Variants in AIDA observed in about 807,000 individuals in gnomAD.
The protein encoded by AIDA is axin interactor, dorsalization-associated protein.
In AIDA, 18 loss-of-function variants were observed where a neutral mutation model predicts 42.7. That is an observed-to-expected ratio of 0.42 (90% CI 0.29 to 0.63). AIDA has a LOEUF of 0.63. AIDA is among the 20% of genes least tolerant of loss of function. The probability of loss-of-function intolerance (pLI) is 0.19; values close to 1 mark genes in which losing one functional copy is unlikely to be tolerated. For missense variants in AIDA, 250 were observed against 354.1 expected (o/e 0.71, Z 2.36); for synonymous variants, 104 against 122.9 (o/e 0.85, Z 1.02).
chr1:222,671,509 A>T (rs150515597), intron 8 of AIDA, among the ~76,000 whole-genome samples: 1 of 152,166 alleles, frequency 6.6e-6, no homozygotes, highest in Admixed American at 6.5e-5. Flanking sequence ...GACAAAACTC[A>T]CAAGTCACTA....
intron 7 of AIDA, among the ~76,000 whole-genome samples, chr1:222,673,995 G>A (rs1176189790): frequency 1.3e-5 from 2 of 151,656 alleles, no homozygotes; most frequent in African/African-American, 4.9e-5. Flanking sequence ...GCTGAGGCAG[G>A]AGAATCTCTT....
chr1:222,679,591 C>CT (rs988430829), intron 6 of AIDA, among the ~76,000 whole-genome samples: 3 of 152,208 alleles, frequency 2.0e-5, no homozygotes, highest in African/African-American at 7.2e-5. Context: ...AACACAGGTG[C>CT]TATAGCACCC....
At chr1:222,700,038 G>A (rs1468556860) in intron 2 of AIDA, among the ~76,000 whole-genome samples, 3 of 152,078 alleles carry the variant, frequency 2.0e-5, no homozygotes, top group South Asian at 2.1e-4. Flanking sequence ...GATTACAGGC[G>A]TGAGCCACCG....
intron 6 of AIDA, among the ~76,000 whole-genome samples, chr1:222,676,423 G>T (rs1482312567): frequency 6.6e-5 from 10 of 152,066 alleles, no homozygotes; most frequent in Admixed American, 6.6e-4. Flanking sequence ...ATGTCTCATA[G>T]TCACCACTAA....
chr1:222,685,600 C>T (rs1655139033), intron 6 of AIDA, among the ~76,000 whole-genome samples: 1 of 152,058 alleles, frequency 6.6e-6, no homozygotes. Context: ...GCTATACTTC[C>T]TAAAGTAAAC....
intron 8 of AIDA, among the ~76,000 whole-genome samples, chr1:222,672,169 AAT>A (rs1162631615): frequency 1.3e-5 from 2 of 152,108 alleles, no homozygotes; most frequent in Non-Finnish European, 2.9e-5. Context: ...GGAAAAAATT[AAT>A]AGAGTCAAAT....
intron 3 of AIDA, 35 bp downstream of exon 3, chr1:222,694,175 T>G: frequency 6.4e-7 from 1 of 1,563,662 alleles, no homozygotes; most frequent in Non-Finnish European, 8.7e-7. Flanking sequence ...GAATAATTTA[T>G]TTTCCTTGTA....
intron 4 of AIDA, among the ~76,000 whole-genome samples, 184 bp from the exon 5 acceptor site, chr1:222,687,842 C>A (rs1028003224): frequency 1.3e-5 from 2 of 152,076 alleles, no homozygotes; most frequent in Non-Finnish European, 2.9e-5. Context: ...ATTAAAATAT[C>A]CATGATATAC....
Position 222,673,643 on chromosome 1 carries a change from T to C in AIDA, c.584-208A>G, listed in dbSNP as rs537015282. 4.6e-5 allele frequency among the ~76,000 whole-genome samples: 7 copies of C among 151,950 alleles called. No individual in the cohort carries two copies. The South Asian group carries it at 1.5e-3, about 32-fold the overall frequency. On this transcript the variant is annotated intron_variant, in intron 7 of 9. Transcript: ENST00000340020. ...TACAAAAAAAATTAGCCGGGTGTGG[T>C]GGCGGGCGCCTATAGTCCCAGCTAC... is the stretch of plus-strand genomic sequence containing the variant.
At chr1:222,694,590 C>T (rs1243959322) in intron 2 of AIDA, among the ~76,000 whole-genome samples, 1 of 152,112 alleles carries the variant, frequency 6.6e-6, no homozygotes, top group Non-Finnish European at 1.5e-5. Context: ...CTCCATAAAG[C>T]CTAAAATTCA....
At chr1:222,689,554 T>C (rs11118970) in intron 4 of AIDA, among the ~76,000 whole-genome samples, 1 of 53,608 alleles carries the variant, frequency 1.9e-5, no homozygotes, top group Admixed American at 1.5e-4. Flanking sequence ...TATATACATA[T>C]ATATGTATAT....
chr1:222,670,040 T>C lies in AIDA; in HGVS notation c.825-51A>G, dbSNP rs763689509. 38 of 1,611,586 alleles carry C rather than the reference T, an allele frequency of 2.4e-5. 1 individual carries two copies. Among genetic ancestry groups the C allele is most frequent in the Middle Eastern group, 3.3e-4 (2 of 6,080 alleles). ...GTTTAAAATACATTGATAACTGAAC[T>C]CTTCAAGGTTAAATACTGGATATGG... is the stretch of plus-strand genomic sequence containing the variant. On this transcript the variant is annotated intron_variant, in intron 9 of 9. Coordinates refer to ENST00000340020, the MANE Select transcript of AIDA (RefSeq NM_022831.4).
chr1:222,681,965 G>C (rs1664660902), intron 6 of AIDA, among the ~76,000 whole-genome samples: 1 of 152,186 alleles, frequency 6.6e-6, no homozygotes, highest in South Asian at 2.1e-4. Flanking sequence ...TCCCAGCAAG[G>C]AGTAGGATCT....
chr1:222,673,468 T>C lies in AIDA; in HGVS notation c.584-33A>G, dbSNP rs531538334. 42 of 1,533,882 alleles carry C rather than the reference T, an allele frequency of 2.7e-5. 1 individual carries two copies. The East Asian group carries it at 5.1e-4, about 19-fold the overall frequency. On this transcript the variant is annotated intron_variant, in intron 7 of 9. Coordinates refer to ENST00000340020, the MANE Select transcript of AIDA (RefSeq NM_022831.4). ...GAAAAGAAGTTTCTCTTTAGGAACA[T>C]TCAAATATACAGACTTAAAAACTGC...
intron 6 of AIDA, among the ~76,000 whole-genome samples, chr1:222,677,978 T>C (rs1442959313): frequency 6.6e-6 from 1 of 152,132 alleles, no homozygotes; most frequent in Non-Finnish European, 1.5e-5. Flanking sequence ...GGAACAGGAT[T>C]GCTAAACTAA....
At chr1:222,689,353 T>C (rs1172913112) in intron 4 of AIDA, among the ~76,000 whole-genome samples, 2 of 150,722 alleles carry the variant, frequency 1.3e-5, no homozygotes, top group Non-Finnish European at 3.0e-5. Context: ...GTCATGAGAA[T>C]TGCTTGAACC....
At chr1:222,676,336 T>A (rs1214383660) in intron 6 of AIDA, 118 bp from the exon 7 acceptor site, 1 of 1,249,436 alleles carries the variant, frequency 8.0e-7, no homozygotes, top group African/African-American at 1.6e-5. Context: ...AGGCATTATT[T>A]TGGTTCCCGA....
At chr1:222,702,723 C>T (rs895255789) in intron 2 of AIDA, among the ~76,000 whole-genome samples, 1 of 152,134 alleles carries the variant, frequency 6.6e-6, no homozygotes. Flanking sequence ...AGAAGGTAGA[C>T]AGGAGTTAGG....
At chr1:222,674,201 T>C (rs1004121412) in intron 7 of AIDA, among the ~76,000 whole-genome samples, 1 of 152,038 alleles carries the variant, frequency 6.6e-6, no homozygotes, top group Admixed American at 6.6e-5. Flanking sequence ...TCCCATTTGG[T>C]GTGAGCAGGT....
Sources: gnomAD v4.1 joint callset for allele counts (sites outside exome capture counted in the v4.1 genomes callset) on GRCh38, gnomAD v4.1.1 for gene constraint, MANE v1.5 for transcripts, NCBI Gene and HGNC (gene_info 2026-07-23, HGNC 2026-07-21) for gene names.